MINDY4: variants seen among roughly 807,000 people sequenced by gnomAD.
MINDY4 encodes the protein probable ubiquitin carboxyl-terminal hydrolase MINDY-4.
Under a neutral mutation model 87.0 loss-of-function variants are expected in MINDY4, and 68 were observed. The observed-to-expected ratio is 0.78, with a 90% CI of 0.64 to 0.96. The LOEUF (loss-of-function observed/expected upper bound fraction) is 0.96, where lower values mean the gene tolerates loss of function less well. MINDY4 is among the 40% of genes least tolerant of loss of function. The pLI, the probability that MINDY4 is intolerant of heterozygous loss-of-function variation, is 0.00. For missense variants in MINDY4, 919 were observed against 928.2 expected (o/e 0.99, Z 0.13); for synonymous variants, 379 against 363.2 (o/e 1.04, Z -0.50).
intron 5 of MINDY4, among the ~76,000 whole-genome samples, chr7:30,811,063 T>C (rs1787981749): frequency 6.6e-6 from 1 of 152,000 alleles, no homozygotes; most frequent in Non-Finnish European, 1.5e-5. Flanking sequence ...AAAGATCACT[T>C]CTTATCGAAG....
intron 14 of MINDY4, among the ~76,000 whole-genome samples, chr7:30,873,823 C>T (rs1010756669): frequency 5.3e-5 from 8 of 152,160 alleles, no homozygotes; most frequent in African/African-American, 1.9e-4. Flanking sequence ...AAGGCTGTGC[C>T]TTTCTCAGCA....
intron 3 of MINDY4, among the ~76,000 whole-genome samples, chr7:30,784,851 A>G (rs1032415409): frequency 6.6e-6 from 1 of 152,008 alleles, no homozygotes; most frequent in East Asian, 1.9e-4. Flanking sequence ...TGCCCCTCCC[A>G]CATGTGACCC....
At chr7:30,847,720 TTTG>T (rs1789266477) in intron 9 of MINDY4, among the ~76,000 whole-genome samples, 1 of 150,934 alleles carries the variant, frequency 6.6e-6, no homozygotes, top group Non-Finnish European at 1.5e-5. Flanking sequence ...GTGTGTGTTT[TTTG>T]TTGTTTGTTC....
rs533399564 is a variant in MINDY4, at chr7:30,797,421, A to T, written c.1073+5847A>T. Among the ~76,000 whole-genome samples the T allele has an allele frequency of 9.2e-5, 14 of 152,330 alleles. No homozygotes were observed. The South Asian group carries it at 2.3e-3, about 25-fold the overall frequency. ...ATTTTATAAAGAGGTAGCCAGGAAA[A>T]CCTACCAGAGAGGGTTACACTTGAG... On this transcript the variant is annotated intron_variant, in intron 5 of 17. Coordinates refer to ENST00000265299, the MANE Select transcript of MINDY4 (RefSeq NM_032222.3).
chr7:30,812,272 G>A (rs1172338873), intron 5 of MINDY4, among the ~76,000 whole-genome samples: 1 of 47,958 alleles, frequency 2.1e-5, no homozygotes, highest in Non-Finnish European at 3.6e-5. Flanking sequence ...TGTGTGTTGA[G>A]GGGGGGGGGG....
intron 9 of MINDY4, among the ~76,000 whole-genome samples, chr7:30,849,016 T>C (rs1193176522): frequency 6.6e-6 from 1 of 152,136 alleles, no homozygotes; most frequent in Non-Finnish European, 1.5e-5. Context: ...GCAGTGGTCA[T>C]TGCCAGTTTA....
intron 14 of MINDY4, among the ~76,000 whole-genome samples, chr7:30,873,381 T>C (rs541928288): frequency 6.6e-6 from 1 of 152,322 alleles, no homozygotes; most frequent in African/African-American, 2.4e-5. Flanking sequence ...TCCCAAGCCC[T>C]GTTCTCTGTT....
At chr7:30,785,640 G>A in intron 3 of MINDY4, 109 bp from the exon 4 acceptor site, 1 of 1,334,212 alleles carries the variant, frequency 7.5e-7, no homozygotes, top group Non-Finnish European at 1.0e-6. Flanking sequence ...AGTCATCATA[G>A]ATTTATTAAT....
At chr7:30,847,803 G>A (rs1166566918) in intron 9 of MINDY4, among the ~76,000 whole-genome samples, 1 of 152,132 alleles carries the variant, frequency 6.6e-6, no homozygotes, top group African/African-American at 2.4e-5. Context: ...GCAGTGGCAC[G>A]ATCATGGCCC....
chr7:30,787,079 G>C (rs1276519086), intron 4 of MINDY4, among the ~76,000 whole-genome samples: 1 of 152,218 alleles, frequency 6.6e-6, no homozygotes, highest in Non-Finnish European at 1.5e-5. Context: ...AAAGAAGTGA[G>C]TCCTCTCCCT....
chr7:30,828,606 C>A, intron 5 of MINDY4, 73 bp from the exon 6 acceptor site: 1 of 1,504,238 alleles, frequency 6.6e-7, no homozygotes. Context: ...ATCCATCGCT[C>A]TTAACAGTCT....
intron 5 of MINDY4, among the ~76,000 whole-genome samples, chr7:30,809,974 G>A (rs1048313886): frequency 2.0e-5 from 3 of 151,752 alleles, no homozygotes; most frequent in African/African-American, 4.8e-5. Flanking sequence ...TCAGAAGTTC[G>A]AGACCAGCCT....
rs368711343 is a variant in MINDY4 at position 30,814,382 on chromosome 7, A to T, written c.1074-14297A>T. ...GTAGACATAATCTTATTTCAAGATT[A>T]TGTCAACCTTTAGAATGAACAAATT... is the stretch of plus-strand genomic sequence containing the variant. On this transcript the variant is annotated intron_variant, in intron 5 of 17. Coordinates refer to ENST00000265299, the MANE Select transcript of MINDY4 (RefSeq NM_032222.3). Among the ~76,000 whole-genome samples the T allele has an allele frequency of 3.9e-5, 6 of 152,332 alleles. No homozygotes were observed. In the East Asian group the frequency reaches 9.6e-4, roughly 24 times the overall value.
In MINDY4 at chr7:30,785,901, T is replaced by G; in HGVS notation, c.572T>G (p.Leu191Trp). The change falls in exon 4 of 18, where the codon TTG becomes TGG. Residue 191 changes from leucine to tryptophan, a missense_variant. Transcript: ENST00000265299. ...KIDKLHSEPS[L>W]DVKRMGENSR... The stretch of plus-strand genomic sequence containing the variant: ...GACAAGCTTCACTCGGAGCCTTCCT[T>G]GGATGTGAAGAGGATGGGAGAGAAT... 1.2e-6 allele frequency: 2 copies of G among 1,614,150 alleles called. No homozygotes were observed. Among genetic ancestry groups the G allele is most frequent in the Non-Finnish European group, 1.7e-6 (2 of 1,180,034 alleles).
At chr7:30,844,177 C>A (rs921293538) in intron 9 of MINDY4, among the ~76,000 whole-genome samples, 1 of 152,134 alleles carries the variant, frequency 6.6e-6, no homozygotes, top group Non-Finnish European at 1.5e-5. Context: ...TTGAGTGAAG[C>A]GGTCTGACTT....
At chr7:30,801,924 T>C (rs1787663662) in intron 5 of MINDY4, among the ~76,000 whole-genome samples, 1 of 152,100 alleles carries the variant, frequency 6.6e-6, no homozygotes, top group Non-Finnish European at 1.5e-5. Flanking sequence ...AGCTCTGAGA[T>C]CTCCCTTGGA....
At chr7:30,873,112 A>G (rs1790157065) in intron 14 of MINDY4, among the ~76,000 whole-genome samples, 1 of 152,222 alleles carries the variant, frequency 6.6e-6, no homozygotes, top group Non-Finnish European at 1.5e-5. Context: ...CGTGGGCACC[A>G]TACAAGGCAA....
chr7:30,797,930 A>G (rs914436418), intron 5 of MINDY4, among the ~76,000 whole-genome samples: 2 of 152,168 alleles, frequency 1.3e-5, no homozygotes, highest in African/African-American at 2.4e-5. Flanking sequence ...CAGCAGGGCT[A>G]TGTTCTGAGA....
At position 30,796,479 on chromosome 7, in the gene MINDY4, G is replaced by A. The variant is rs572263954; in HGVS notation, c.1073+4905G>A. Among the ~76,000 whole-genome samples the A allele has an allele frequency of 3.3e-5, 5 of 152,342 alleles. No homozygotes were observed. In the South Asian group the frequency reaches 1.0e-3, roughly 32 times the overall value. ...GTATGATATAGTCCATGCAATTGAA[G>A]TCTAATTTAGACTTTTAAAAAAGAT... On this transcript the variant is annotated intron_variant, in intron 5 of 17. Transcript: ENST00000265299.
Sources: gnomAD v4.1 joint callset for allele counts (sites outside exome capture counted in the v4.1 genomes callset) on GRCh38, gnomAD v4.1.1 for gene constraint, MANE v1.5 for transcripts, NCBI Gene and HGNC (gene_info 2026-07-23, HGNC 2026-07-21) for gene names.